Variants in DENND6B observed in about 807,000 individuals in gnomAD.
DENND6B encodes the protein protein DENND6B.
DENND6B carries 73 observed loss-of-function variants against 85.1 expected under a neutral mutation model. The ratio of observed to expected loss-of-function variants is 0.86; its 90% confidence interval spans 0.71 to 1.04. The LOEUF is 1.04. DENND6B is among the 50% of genes least tolerant of loss of function. The probability of loss-of-function intolerance (pLI) is 0.00; values close to 1 mark genes in which losing one functional copy is unlikely to be tolerated. For missense variants in DENND6B, 715 were observed against 785.8 expected, an observed-to-expected ratio of 0.91 and a Z score of 1.08; for synonymous variants, 357 against 329.3, an observed-to-expected ratio of 1.08 and a Z score of -0.91.
In DENND6B at chr22:50,312,107, A is replaced by T. The variant is rs1601801355; in HGVS notation, c.*32T>A. On this transcript the variant is annotated 3_prime_UTR_variant, in exon 20 of 20. Coordinates refer to ENST00000413817, the MANE Select transcript of DENND6B (RefSeq NM_001001794.4). Reference sequence around the variant, plus strand: ...GGGAGTGGGAGGCTCAGGCAGACCTAGGGCCCTGGGACCGTGGCCCTTGGC... The same window carrying T: ...GGGAGTGGGAGGCTCAGGCAGACCTTGGGCCCTGGGACCGTGGCCCTTGGC... 6.2e-7 allele frequency: 1 copy of T among 1,608,110 alleles called. No individual in the cohort carries two copies. The highest frequency in any genetic ancestry group is 1.3e-5 in the African/African-American group (1 of 74,834).
At chr22:50,316,771 C>A in intron 5 of DENND6B, 1 of 1,334,362 alleles carries the variant, frequency 7.5e-7, no homozygotes, top group Admixed American at 2.3e-5. Context: ...AGGGGCTGAG[C>A]AGCTTTTACT....
intron 18 of DENND6B, 45 bp downstream of exon 18, chr22:50,312,478 A>G (rs561164471): frequency 4.6e-6 from 7 of 1,534,850 alleles, no homozygotes; most frequent in African/African-American, 1.4e-5. Context: ...GCCTGTGCCC[A>G]CCCCCACCAT....
At position 50,315,749 on chromosome 22, in the gene DENND6B, C is replaced by T. The variant is rs1443205087; in HGVS notation, c.723G>A (p.Val241=). The change falls in exon 9 of 20, where the codon GTG becomes GTA. Residue 241 remains valine, a synonymous_variant. Coordinates refer to ENST00000413817, the MANE Select transcript of DENND6B (RefSeq NM_001001794.4). ...FDQENLLPAP[V]VLASVHELDL... ...CCAGCTCGTGGACGCTAGCAAGAAC[C>T]ACTGGGGCTGGCAGCAGGTTCTGAG... The T allele has an allele frequency of 6.5e-7, 1 of 1,549,994 alleles. No individual in the cohort carries two copies. Among genetic ancestry groups the T allele is most frequent in the Non-Finnish European group, 8.7e-7 (1 of 1,148,652 alleles).
chr22:50,313,001 G>A lies in DENND6B; in HGVS notation c.1455C>T (p.Tyr485=), dbSNP rs751663063. The change falls in exon 17 of 20, where the codon TAC becomes TAT. Residue 485 remains tyrosine, a splice_region_variant and synonymous_variant. Transcript: ENST00000413817. ...GCCTGCACCTGCAGTCCACGCACCTGTAGAGACCCAGCCAGTCGCCCTTGA... is the reference window on the plus strand; with the variant it reads ...GCCTGCACCTGCAGTCCACGCACCTATAGAGACCCAGCCAGTCGCCCTTGA... ...CILKGDWLGL[Y]RRFFKSPHFD... 36 of 1,555,762 alleles carry A rather than the reference G, an allele frequency of 2.3e-5. No homozygotes were observed. In the South Asian group the frequency reaches 3.3e-4, roughly 14 times the overall value.
At chr22:50,323,302 T>C (rs1406356993) in intron 1 of DENND6B, among the ~76,000 whole-genome samples, 2 of 149,112 alleles carry the variant, frequency 1.3e-5, no homozygotes, top group South Asian at 2.2e-4. Flanking sequence ...TTTTTTTCCT[T>C]TTTGAGAGCT....
chr22:50,312,419 T>C lies in DENND6B; in HGVS notation c.1561-2A>G. ...GTCTTTCATCCAGGTCTCGATGTTC[T>C]GCAGGGCAAGACGGGGTCTACTGTC... On this transcript the variant is annotated splice_acceptor_variant, in intron 18 of 19. Coordinates refer to ENST00000413817, the MANE Select transcript of DENND6B (RefSeq NM_001001794.4). LOFTEE classifies it high-confidence loss of function. 1 of 1,610,316 alleles carries C rather than the reference T, an allele frequency of 6.2e-7. No individual in the cohort carries two copies.
intron 15 of DENND6B, 54 bp from the exon 16 acceptor site, chr22:50,313,553 T>TTCCCCCCCCCCCC: frequency 1.4e-6 from 1 of 698,186 alleles, no homozygotes. Context: ...CCCAGCCCCA[T>TTCCCCCCCCCCCC]CCCCCGCAGC....
chr22:50,327,000 C>G lies in DENND6B; in HGVS notation c.-12G>C. The G allele has an allele frequency of 2.5e-6, 3 of 1,178,770 alleles. No individual in the cohort carries two copies. The highest frequency in any genetic ancestry group is 3.1e-6 in the Non-Finnish European group (3 of 955,006). The allele number at this position is 1,178,770 out of a possible 1,614,324, so 73.0% of individuals were successfully genotyped here. A position where few individuals can be genotyped will look rare whatever the true frequency, so the allele number is the denominator to read the frequency against. ...AACAGCGCGTCCATGGCGGCGGCCG[C>G]GGGTTGCCGGGGAAACGCGGGCGGG... On this transcript the variant is annotated 5_prime_UTR_variant, in exon 1 of 20. Transcript: ENST00000413817.
chr22:50,316,894 C>T, intron 5 of DENND6B: 1 of 61,996 alleles, frequency 1.6e-5, no homozygotes, highest in South Asian at 2.2e-4. Context: ...CCTTGGGTCC[C>T]ATGCCAGGCA....
rs1212333519 is a variant in DENND6B at position 50,314,599 on chromosome 22, A to C, written c.977+6T>G. ...GGGCAAGAGGCGGGGCAGAGGCGGC[A>C]CTTACGGGGCCTGCGTGCGTGTGGT... On this transcript the variant is annotated splice_donor_region_variant and intron_variant, in intron 11 of 19. Transcript: ENST00000413817. 3 of 1,559,402 alleles carry C rather than the reference A, an allele frequency of 1.9e-6. No individual in the cohort carries two copies. Among genetic ancestry groups the C allele is most frequent in the Non-Finnish European group, 2.6e-6 (3 of 1,152,106 alleles).
chr22:50,315,605 G>A, intron 9 of DENND6B, 109 bp downstream of exon 9: 1 of 1,301,700 alleles, frequency 7.7e-7, no homozygotes, highest in Non-Finnish European at 1.0e-6. Flanking sequence ...CACTCACGCA[G>A]ACACACACGC....
At chr22:50,317,459 G>A (rs1382036435) in intron 4 of DENND6B, 86 bp from the exon 5 acceptor site, 9 of 1,452,442 alleles carry the variant, frequency 6.2e-6, no homozygotes, top group Admixed American at 5.4e-5. Flanking sequence ...GAGCATGCAG[G>A]GACTGCTGCA....
At position 50,316,015 on chromosome 22, in the gene DENND6B, C is replaced by T; in HGVS notation, c.702+10G>A. 1.2e-6 allele frequency: 2 copies of T among 1,612,600 alleles called. No homozygotes were observed. The highest frequency in any genetic ancestry group is 1.1e-5 in the South Asian group (1 of 91,080). ...AGCTGTTTCAGCTCCACCTCCGCCTCAGCTCCCACCTCTTGGTCAAACTGC... is the reference window on the plus strand; with the variant it reads ...AGCTGTTTCAGCTCCACCTCCGCCTTAGCTCCCACCTCTTGGTCAAACTGC... On this transcript the variant is annotated intron_variant, in intron 8 of 19. Transcript: ENST00000413817.
In DENND6B at chr22:50,312,041, A is replaced by ACCCTGG; in HGVS notation, c.*97_*98insCCAGGG. On this transcript the variant is annotated 3_prime_UTR_variant, in exon 20 of 20. Transcript: ENST00000413817. ...AGCCTGCAGTCTGGGCGGGGGGCCA[A>ACCCTGG]GGAAGGGGAGCGTGTGCTTGGCCCA... The ACCCTGG allele has an allele frequency of 2.0e-6, 3 of 1,481,108 alleles. No individual in the cohort carries two copies. The highest frequency in any genetic ancestry group is 1.4e-5 in the South Asian group (1 of 72,580). 91.7% of individuals were successfully genotyped at this position (1,481,108 alleles called of 1,614,324 possible).
rs1374339354 is a variant in DENND6B, at chr22:50,311,016, G to C, written c.*1123C>G. ...GGCCAGCACCCGCCCGGCCTCACAG[G>C]GTACAAAGCCCAGTCTCCATGAGTG... On this transcript the variant is annotated 3_prime_UTR_variant, in exon 20 of 20. Transcript: ENST00000413817. 1 of 152,206 alleles carries C rather than the reference G, an allele frequency of 6.6e-6. No homozygotes were observed. Among genetic ancestry groups the C allele is most frequent in the Non-Finnish European group, 1.5e-5 (1 of 68,062 alleles). The allele number at this position is 152,206 out of a possible 1,614,324, so 9.4% of individuals were successfully genotyped here.
At position 50,317,002 on chromosome 22, in the gene DENND6B, GGGGGGGGGCGGCGAGGAC is replaced by G. The variant is rs1374941036; in HGVS notation, c.453+273_453+290del. On this transcript the variant is annotated intron_variant, in intron 5 of 19. Coordinates refer to ENST00000413817, the MANE Select transcript of DENND6B (RefSeq NM_001001794.4). Reference sequence around the variant, plus strand: ...GGGCGGGGGGCCCCGAGGACAGGGTGGGGGGGGGCGGCGAGGACGGGGGGGGGGCGGCGAGGACAGGGC... The same window carrying G: ...GGGCGGGGGGCCCCGAGGACAGGGTGGGGGGGGGGGCGGCGAGGACAGGGC... 9.1e-5 allele frequency: 6 copies of G among 66,018 alleles called. No individual in the cohort carries two copies. The African/African-American group carries it at 4.2e-3, about 46-fold the overall frequency. The allele number at this position is 66,018 out of a possible 1,614,324, so 4.1% of individuals were successfully genotyped here.
At chr22:50,318,101 G>C (rs888998358) in intron 3 of DENND6B, 81 bp from the exon 4 acceptor site, 27 of 1,446,258 alleles carry the variant, frequency 1.9e-5, no homozygotes, top group Non-Finnish European at 2.6e-5. Context: ...CGGGGAGCAA[G>C]GGCCCTGCGA....
rs1410547975 is a variant in DENND6B, at chr22:50,318,957, G to A, written c.216+8C>T. 2 of 1,607,756 alleles carry A rather than the reference G, an allele frequency of 1.2e-6. No homozygotes were observed. The highest frequency in any genetic ancestry group is 1.7e-5 in the Admixed American group (1 of 59,160). On this transcript the variant is annotated splice_region_variant and intron_variant, in intron 2 of 19. Coordinates refer to ENST00000413817, the MANE Select transcript of DENND6B (RefSeq NM_001001794.4). ...GTCCTGTCCATTCCCAAGAGGGCCG[G>A]GACTCACCTCCTTGTCTGTGAGCCG...
At position 50,309,775 on chromosome 22, in the gene DENND6B, C is replaced by T. The variant is rs182695871; in HGVS notation, c.*2364G>A. On this transcript the variant is annotated 3_prime_UTR_variant, in exon 20 of 20. Transcript: ENST00000413817. ...GTGGCCAGGGTCCCTGGGGGCTCCT[C>T]AGAGACCAGCCTGAAGCCCCTCCCC... 2.0e-5 allele frequency: 3 copies of T among 152,524 alleles called. No individual in the cohort carries two copies. Among genetic ancestry groups the T allele is most frequent in the Non-Finnish European group, 2.9e-5 (2 of 68,146 alleles). 9.4% of individuals were successfully genotyped at this position (152,524 alleles called of 1,614,324 possible).
Sources: allele counts gnomAD v4.1 joint callset (sites outside exome capture counted in the v4.1 genomes callset), GRCh38; gene constraint gnomAD v4.1.1; transcripts MANE v1.5; gene names NCBI Gene and HGNC (gene_info 2026-07-23, HGNC 2026-07-21).